DCP1B: variants seen among roughly 807,000 people sequenced by gnomAD.
DCP1B encodes decapping mRNA 1B.
In DCP1B, 47 loss-of-function variants were observed where a neutral mutation model predicts 60.5. That is an observed-to-expected ratio of 0.78 (90% CI 0.61 to 0.99). The LOEUF (loss-of-function observed/expected upper bound fraction) is 0.99. Ranked by LOEUF, DCP1B falls within the 50% of genes least tolerant of loss-of-function variation. The pLI is 0.00. For synonymous variants in DCP1B, 267 were observed against 280.3 expected (o/e 0.95, Z 0.47); for missense variants, 725 against 756.8 (o/e 0.96, Z 0.49).
At chr12:1,989,717 T>G (rs758147314) in intron 3 of DCP1B, among the ~76,000 whole-genome samples, 15 of 152,148 alleles carry the variant, frequency 9.9e-5, no homozygotes, top group Non-Finnish European at 1.9e-4. Flanking sequence ...CCGTCTCAAT[T>G]GAAAAAGCAA....
At chr12:1,960,254 T>C (rs961169858) in intron 5 of DCP1B, among the ~76,000 whole-genome samples, 1 of 152,216 alleles carries the variant, frequency 6.6e-6, no homozygotes, top group African/African-American at 2.4e-5. Flanking sequence ...TGGATGAACC[T>C]GGAGGACATT....
At position 1,949,000 on chromosome 12, in the gene DCP1B, G is replaced by A. The variant is rs2030548283; in HGVS notation, c.1773+86C>T. The A allele has an allele frequency of 6.5e-7, 1 of 1,527,784 alleles. No individual in the cohort carries two copies. Among genetic ancestry groups the A allele is most frequent in the Admixed American group, 1.8e-5 (1 of 56,036 alleles). The allele number at this position is 1,527,784 out of a possible 1,614,324, so 94.6% of individuals were successfully genotyped here. ...TGTTATTCTCACGGAAGCTAAGCAG[G>A]CCTTGGCTGAGTCTTTATCTCATAG... is the stretch of plus-strand genomic sequence containing the variant. On this transcript the variant is annotated intron_variant, in intron 8 of 8. Coordinates refer to ENST00000280665, the MANE Select transcript of DCP1B (RefSeq NM_152640.5). This position sits in a 1 kb window ranked among gnomAD's most constrained non-coding sequence, Gnocchi z 4.8.
chr12:1,998,823 C>A (rs1393818439), intron 1 of DCP1B, among the ~76,000 whole-genome samples: 1 of 152,156 alleles, frequency 6.6e-6, no homozygotes, highest in Non-Finnish European at 1.5e-5. Context: ...TGTACTTTTG[C>A]AATTTACATG....
At chr12:1,949,753 G>A (rs750281152) in intron 7 of DCP1B, among the ~76,000 whole-genome samples, 17 of 152,300 alleles carry the variant, frequency 1.1e-4, no homozygotes, top group African/African-American at 3.1e-4. Context: ...CACAGGAGGC[G>A]CTGTGAGAGC....
chr12:1,988,615 G>A (rs1230779022), intron 3 of DCP1B, among the ~76,000 whole-genome samples: 3 of 152,146 alleles, frequency 2.0e-5, no homozygotes, highest in African/African-American at 7.2e-5. Context: ...TCATCCTTTG[G>A]GTTTATGTCT....
intron 2 of DCP1B, among the ~76,000 whole-genome samples, chr12:1,997,484 G>A (rs531330379): frequency 6.6e-6 from 1 of 152,316 alleles, no homozygotes; most frequent in African/African-American, 2.4e-5. Context: ...CTGTGATCGT[G>A]CCACTGCACT....
intron 1 of DCP1B, among the ~76,000 whole-genome samples, chr12:2,003,971 G>A (rs932821568): frequency 1.3e-5 from 2 of 151,998 alleles, no homozygotes; most frequent in African/African-American, 4.8e-5. Context: ...TCGGTCTTCC[G>A]GCCATAAGGT....
At position 1,952,708 on chromosome 12, in the gene DCP1B, G is replaced by C. The variant is rs145623669; in HGVS notation, c.1232C>G (p.Ser411Cys). ...AQPPQAYFNGSLPPQTVGHQA... is the reference protein window; with the variant it reads ...AQPPQAYFNGCLPPQTVGHQA... ...ATGTCCTACTGTCTGAGGTGGAAGGGAGCCATTGAAATAGGCCTGTGGTGG... is the reference window on the plus strand; with the variant it reads ...ATGTCCTACTGTCTGAGGTGGAAGGCAGCCATTGAAATAGGCCTGTGGTGG... The change falls in exon 7 of 9, where the codon TCC becomes TGC. Residue 411 changes from serine (S) to cysteine (C), a missense_variant. Ser to Cys is a moderately radical substitution (Grantham distance 112). Coordinates refer to ENST00000280665, the MANE Select transcript of DCP1B (RefSeq NM_152640.5). 4.7e-4 allele frequency: 755 copies of C among 1,614,128 alleles called. 8 individuals carry two copies. The South Asian group carries it at 5.0e-3, about 11-fold the overall frequency.
Position 1,952,964 on chromosome 12 carries a change from C to T in DCP1B, c.976G>A (p.Glu326Lys), listed in dbSNP as rs146399942. 6.8e-6 allele frequency: 11 copies of T among 1,614,138 alleles called. No individual in the cohort carries two copies. The highest frequency in any genetic ancestry group is 9.3e-6 in the Non-Finnish European group (11 of 1,179,994). Residue 326 changes from glutamate to lysine, a missense_variant, in exon 7 of 9, where the codon GAA becomes AAA. Physicochemically the swap from Glu to Lys is moderately conservative, Grantham distance 56 (BLOSUM62 1). Transcript: ENST00000280665. ...CENGSTHSAG[E>K]FFTGPVQPGS... is the part of the protein sequence containing the mutation. ...GGCTGGACAGGTCCTGTAAAAAATT[C>T]TCCCGCAGAATGGGTACTGCCATTT...
chr12:2,004,452 A>C lies in DCP1B; in HGVS notation c.-21T>G, dbSNP rs202023042. On this transcript the variant is annotated 5_prime_UTR_variant, in exon 1 of 9. Transcript: ENST00000280665. ...GCCATCTTCCCTCCCTCCCAGACAT[A>C]GGCACGGGGCTCTTGGAAGCCACTC... 5.6e-6 allele frequency: 9 copies of C among 1,596,280 alleles called. No individual in the cohort carries two copies. In the Admixed American group the frequency reaches 1.2e-4, roughly 21 times the overall value.
chr12:1,959,555 T>C (rs1466521349), intron 5 of DCP1B, among the ~76,000 whole-genome samples: 4 of 152,172 alleles, frequency 2.6e-5, no homozygotes, highest in African/African-American at 2.4e-5. Flanking sequence ...TCAAACCTGG[T>C]AGAATGTCTA....
rs1196369982 is a variant in DCP1B, at chr12:2,001,162, A to T, written c.150+3120T>A. ...AAAATATACATTTCTGTTCTATTACAGCTGCCCAAATTCACGCATTTTCCT... is the reference window on the plus strand; with the variant it reads ...AAAATATACATTTCTGTTCTATTACTGCTGCCCAAATTCACGCATTTTCCT... On this transcript the variant is annotated intron_variant, in intron 1 of 8. Transcript: ENST00000280665. 2.0e-5 allele frequency among the ~76,000 whole-genome samples: 3 copies of T among 152,204 alleles called. No individual in the cohort carries two copies. In the East Asian group the frequency reaches 5.8e-4, roughly 29 times the overall value.
intron 6 of DCP1B, among the ~76,000 whole-genome samples, chr12:1,955,181 C>T (rs1025927495): frequency 6.6e-6 from 1 of 152,126 alleles, no homozygotes; most frequent in Non-Finnish European, 1.5e-5. Flanking sequence ...AATACATTAT[C>T]TTTTAAGGAG....
rs1172673054 is a variant in DCP1B, at chr12:1,969,357, C to T, written c.320-1447G>A. Among the ~76,000 whole-genome samples, 5 of 152,074 alleles carry T rather than the reference C, an allele frequency of 3.3e-5. No individual in the cohort carries two copies. The East Asian group carries it at 9.7e-4, about 29-fold the overall frequency. Reference sequence around the variant, plus strand: ...CCTATGAATCTGAATTACTCACTTGCCAAAAGGTGGCAATAGGGCTTTAAA... The same window carrying T: ...CCTATGAATCTGAATTACTCACTTGTCAAAAGGTGGCAATAGGGCTTTAAA... On this transcript the variant is annotated intron_variant, in intron 3 of 8. Coordinates refer to ENST00000280665, the MANE Select transcript of DCP1B (RefSeq NM_152640.5).
intron 3 of DCP1B, among the ~76,000 whole-genome samples, chr12:1,980,362 G>C (rs972016717): frequency 6.6e-6 from 1 of 152,020 alleles, no homozygotes; most frequent in Non-Finnish European, 1.5e-5. Context: ...TGTGACTATT[G>C]GTATTTGTAT....
chr12:1,979,934 A>T (rs1323621350), intron 3 of DCP1B, among the ~76,000 whole-genome samples: 1 of 152,218 alleles, frequency 6.6e-6, no homozygotes, highest in Non-Finnish European at 1.5e-5. Flanking sequence ...ATGAGATATC[A>T]CTTCAGAATT....
chr12:1,950,653 A>AT (rs963769919), intron 7 of DCP1B, among the ~76,000 whole-genome samples: 28 of 152,228 alleles, frequency 1.8e-4, no homozygotes, highest in African/African-American at 6.7e-4. Context: ...AAAAAACTGA[A>AT]TTTTTTGTTT....
intron 3 of DCP1B, among the ~76,000 whole-genome samples, chr12:1,980,911 TC>T: frequency 6.6e-6 from 1 of 151,882 alleles, no homozygotes; most frequent in Non-Finnish European, 1.5e-5. Context: ...AATCACAATA[TC>T]TCAATAAGCA....
chr12:1,999,895 G>A (rs561575767), intron 1 of DCP1B, among the ~76,000 whole-genome samples: 7 of 152,162 alleles, frequency 4.6e-5, no homozygotes, highest in East Asian at 1.9e-4. Flanking sequence ...AATGTGGCTC[G>A]TTTGCCCCTG....
Sources: gnomAD v4.1 joint callset for allele counts (sites outside exome capture counted in the v4.1 genomes callset) on GRCh38, gnomAD v4.1.1 for gene constraint, Gnocchi (gnomAD v3.1) non-coding constraint, MANE v1.5 for transcripts, NCBI Gene and HGNC (gene_info 2026-07-23, HGNC 2026-07-21) for gene names.